The following FMN1 variants were observed in gnomAD, a reference collection of about 807,000 sequenced individuals.
FMN1 encodes the protein formin 1, also known as formin-1.
A neutral mutation model predicts 132.4 loss-of-function variants in FMN1; 110 were observed. The observed-to-expected ratio is 0.83, with a 90% confidence interval of 0.71 to 0.97. FMN1 has a LOEUF of 0.97. Ranked by LOEUF, FMN1 falls within the 50% of genes least tolerant of loss-of-function variation. The pLI is 0.00. For synonymous variants in FMN1, 722 were observed against 651.7 expected (o/e 1.11, Z -1.64); for missense variants, 1,792 against 1,705.3 (o/e 1.05, Z -0.90).
intron 9 of FMN1, among the ~76,000 whole-genome samples, chr15:32,942,016 T>C (rs926241067): frequency 6.6e-6 from 1 of 152,176 alleles, no homozygotes; most frequent in African/African-American, 2.4e-5. Context: ...CAAGCTGACC[T>C]TGTGCAGGGG....
intron 17 of FMN1, among the ~76,000 whole-genome samples, chr15:32,815,546 TAAGA>T (rs945744634): frequency 3.3e-5 from 5 of 152,150 alleles, no homozygotes; most frequent in African/African-American, 9.7e-5. Context: ...ATACAAAACT[TAAGA>T]AATTACCTCA....
At chr15:32,889,119 A>G (rs974438543) in intron 15 of FMN1, among the ~76,000 whole-genome samples, 6 of 152,062 alleles carry the variant, frequency 3.9e-5, no homozygotes, top group Non-Finnish European at 8.8e-5. Context: ...CTTCCCCAAA[A>G]TTCTTCATAT....
intron 7 of FMN1, among the ~76,000 whole-genome samples, chr15:33,002,649 C>CA (rs1596447739): frequency 1.3e-5 from 2 of 152,168 alleles, no homozygotes; most frequent in African/African-American, 4.8e-5. Context: ...GACTTAGCCC[C>CA]AGCAGGTTGA....
At chr15:33,060,498 A>G (rs1041153465) in intron 6 of FMN1, among the ~76,000 whole-genome samples, 3 of 152,252 alleles carry the variant, frequency 2.0e-5, no homozygotes, top group African/African-American at 7.2e-5. Flanking sequence ...TCTCTATTTA[A>G]TTTAAAATAC....
chr15:33,126,513 T>C (rs534895386), intron 4 of FMN1, among the ~76,000 whole-genome samples: 36 of 152,334 alleles, frequency 2.4e-4, no homozygotes, highest in South Asian at 1.9e-3. Context: ...ACTCCTCTTA[T>C]TCGCTGAGTA....
rs150633290 is a variant in FMN1 at position 32,935,425 on chromosome 15, T to C, written c.3139-9164A>G. On this transcript the variant is annotated intron_variant, in intron 9 of 20. Transcript: ENST00000616417. ...TCTTTAACTTTTGACAGTTTGATTATAATGTGCTCAGTGTGGTCTTTTGAG... is the reference window on the plus strand; with the variant it reads ...TCTTTAACTTTTGACAGTTTGATTACAATGTGCTCAGTGTGGTCTTTTGAG... Among the ~76,000 whole-genome samples the C allele has an allele frequency of 1.1e-3, 170 of 152,304 alleles. 1 individual carries two copies. Among genetic ancestry groups the C allele is most frequent in the African/African-American group, 3.9e-3 (164 of 41,568 alleles).
At chr15:32,988,030 C>T (rs1400694294) in intron 7 of FMN1, among the ~76,000 whole-genome samples, 1 of 147,108 alleles carries the variant, frequency 6.8e-6, no homozygotes, top group Non-Finnish European at 1.5e-5. Context: ...TTCCTGACAG[C>T]TGGCAGCCTG....
intron 9 of FMN1, among the ~76,000 whole-genome samples, chr15:32,956,031 T>G (rs566002272): frequency 1.3e-5 from 2 of 152,216 alleles, no homozygotes; most frequent in African/African-American, 2.4e-5. Flanking sequence ...TGTGGGTAAT[T>G]TGCTGTGAAA....
At position 32,771,874 on chromosome 15, in the gene FMN1, G is replaced by A. The variant is rs1355240265; in HGVS notation, c.*2436C>T. On this transcript the variant is annotated 3_prime_UTR_variant, in exon 21 of 21. Coordinates refer to ENST00000616417, the MANE Select transcript of FMN1 (RefSeq NM_001277313.2). ...ATTGACCTTTACTGAGCATCAATTT[G>A]AGTTAAAAATGAAGGCTGTGTCAGC... The A allele has an allele frequency of 6.6e-6, 1 of 152,194 alleles. No individual in the cohort carries two copies. The highest frequency in any genetic ancestry group is 2.4e-5 in the African/African-American group (1 of 41,446). 9.4% of individuals were successfully genotyped at this position (152,194 alleles called of 1,614,324 possible).
intron 6 of FMN1, among the ~76,000 whole-genome samples, chr15:33,044,686 C>CT (rs1048339503): frequency 6.6e-6 from 1 of 152,084 alleles, no homozygotes; most frequent in African/African-American, 2.4e-5. Flanking sequence ...CACCTCTCTA[C>CT]TGAGAGCTGA....
At chr15:33,128,586 T>C (rs1418649218) in intron 4 of FMN1, among the ~76,000 whole-genome samples, 1 of 152,218 alleles carries the variant, frequency 6.6e-6, no homozygotes, top group Admixed American at 6.5e-5. Context: ...GCGTTCGTGG[T>C]CTAACTTCAC....
At chr15:33,035,380 A>T (rs1361377730) in intron 6 of FMN1, among the ~76,000 whole-genome samples, 3 of 152,182 alleles carry the variant, frequency 2.0e-5, no homozygotes, top group Non-Finnish European at 2.9e-5. Flanking sequence ...TCTACATTCG[A>T]TAGACCCCTG....
At chr15:32,966,931 T>C (rs2031294083) in intron 8 of FMN1, among the ~76,000 whole-genome samples, 1 of 152,206 alleles carries the variant, frequency 6.6e-6, no homozygotes, top group South Asian at 2.1e-4. Flanking sequence ...GTACAAAAAG[T>C]TGGAGGGACC....
At chr15:32,794,584 T>TA (rs71963543) in intron 19 of FMN1, among the ~76,000 whole-genome samples, 30,216 of 151,652 alleles carry the variant, frequency 0.2, 3,136 homozygotes, top group East Asian at 0.27. Flanking sequence ...AAATAAAAAA[T>TA]AAAAAATAAA....
intron 15 of FMN1, 90 bp downstream of exon 15, chr15:32,898,744 C>A: frequency 1.2e-6 from 1 of 814,586 alleles, no homozygotes; most frequent in Non-Finnish European, 2.1e-6. Context: ...GTTGGGCTTG[C>A]AGTTCGTTCA....
chr15:33,055,018 A>C (rs920822706), intron 6 of FMN1, among the ~76,000 whole-genome samples: 2 of 152,186 alleles, frequency 1.3e-5, no homozygotes, highest in Non-Finnish European at 1.5e-5. Flanking sequence ...CACAGCACTC[A>C]AAAATTTAAC....
At chr15:32,933,726 G>A (rs1407039919) in intron 9 of FMN1, among the ~76,000 whole-genome samples, 1 of 151,878 alleles carries the variant, frequency 6.6e-6, no homozygotes, top group African/African-American at 2.4e-5. Context: ...TTTTTCTTTT[G>A]TTAGAGTTTT....
intron 6 of FMN1, among the ~76,000 whole-genome samples, chr15:33,035,570 C>T (rs2036151744): frequency 6.6e-6 from 1 of 152,112 alleles, no homozygotes; most frequent in Non-Finnish European, 1.5e-5. Flanking sequence ...CCTACATTCC[C>T]TTACCTCTCC....
intron 5 of FMN1, among the ~76,000 whole-genome samples, 169 bp from the exon 6 acceptor site, chr15:33,065,243 T>C (rs1477560149): frequency 6.6e-6 from 1 of 152,168 alleles, no homozygotes; most frequent in Non-Finnish European, 1.5e-5. Context: ...TTTCCAGAAG[T>C]GTAACGTGAT....
Sources: allele counts gnomAD v4.1 joint callset (sites outside exome capture counted in the v4.1 genomes callset), GRCh38; gene constraint gnomAD v4.1.1; transcripts MANE v1.5; gene names NCBI Gene and HGNC (gene_info 2026-07-23, HGNC 2026-07-21).